The following CLSTN2 variants were observed in gnomAD, a reference collection of about 807,000 sequenced individuals.
CLSTN2 encodes calsyntenin 2.
A neutral mutation model predicts 101.2 loss-of-function variants in CLSTN2; 48 were observed. That is an observed-to-expected ratio of 0.47 (90% CI 0.38 to 0.60). The LOEUF is 0.60. Among genes scored for constraint, CLSTN2 ranks in the 20% least tolerant of loss-of-function variants. The pLI is 0.00. For synonymous variants in CLSTN2, 481 were observed against 463.6 expected, an observed-to-expected ratio of 1.04 and a Z score of -0.48; for missense variants, 1,160 against 1,238.2, an observed-to-expected ratio of 0.94 and a Z score of 0.95.
rs895956539 is a variant in CLSTN2, at chr3:140,566,555, T to C, written c.*302T>C. On this transcript the variant is annotated 3_prime_UTR_variant, in exon 17 of 17. Transcript: ENST00000458420. ...TGTCTGCAGAGTTTGCCTTTGTTTTTTCCTGCAGGGAAGAAGGCCCACCTT... is the reference window on the plus strand; with the variant it reads ...TGTCTGCAGAGTTTGCCTTTGTTTTCTCCTGCAGGGAAGAAGGCCCACCTT... 18 of 402,268 alleles carry C rather than the reference T, an allele frequency of 4.5e-5. No homozygotes were observed. The highest frequency in any genetic ancestry group is 7.8e-5 in the Non-Finnish European group (17 of 216,998). 24.9% of individuals were successfully genotyped at this position (402,268 alleles called of 1,614,324 possible). A position where few individuals can be genotyped will look rare whatever the true frequency, so the allele number is the denominator to read the frequency against.
At chr3:140,452,266 G>T (rs1262995275) in intron 6 of CLSTN2, among the ~76,000 whole-genome samples, 1 of 151,990 alleles carries the variant, frequency 6.6e-6, no homozygotes, top group African/African-American at 2.4e-5. Flanking sequence ...TCGCCCTGAT[G>T]TTCTGCTTCT....
intron 1 of CLSTN2, among the ~76,000 whole-genome samples, chr3:140,102,160 G>A (rs1005999357): frequency 2.6e-5 from 4 of 152,212 alleles, no homozygotes; most frequent in African/African-American, 9.7e-5. Flanking sequence ...GCTGTCTACA[G>A]TTGGGCCAAT....
At chr3:140,197,742 C>A (rs926300426) in intron 2 of CLSTN2, among the ~76,000 whole-genome samples, 3 of 152,134 alleles carry the variant, frequency 2.0e-5, no homozygotes, top group African/African-American at 7.2e-5. Flanking sequence ...TACAGGATAG[C>A]CCCACACCAA....
rs1052113160 is a variant in CLSTN2, at chr3:140,573,130, A to G, written c.*6877A>G. 2.0e-5 allele frequency: 3 copies of G among 152,176 alleles called. No homozygotes were observed. Among genetic ancestry groups the G allele is most frequent in the Admixed American group, 1.3e-4 (2 of 15,286 alleles). 9.4% of individuals were successfully genotyped at this position (152,176 alleles called of 1,614,324 possible). On this transcript the variant is annotated 3_prime_UTR_variant, in exon 17 of 17. Coordinates refer to ENST00000458420, the MANE Select transcript of CLSTN2 (RefSeq NM_022131.3). ...GCCATATTTTGTGGAGAAACACTGA[A>G]ACTGCAGCAGTGACCCTGGTCACTA...
At chr3:140,327,794 C>T (rs1050856403) in intron 2 of CLSTN2, among the ~76,000 whole-genome samples, 3 of 152,208 alleles carry the variant, frequency 2.0e-5, no homozygotes, top group Non-Finnish European at 4.4e-5. Context: ...TCTTGCCACT[C>T]ATCTTTAAAA....
intron 8 of CLSTN2, among the ~76,000 whole-genome samples, chr3:140,519,035 T>C (rs1433420490): frequency 6.6e-6 from 1 of 152,220 alleles, no homozygotes; most frequent in Non-Finnish European, 1.5e-5. Flanking sequence ...GTCTCTTTGT[T>C]CTCATTAGTT....
chr3:140,280,669 G>A (rs1308982806), intron 2 of CLSTN2, among the ~76,000 whole-genome samples: 1 of 152,208 alleles, frequency 6.6e-6, no homozygotes, highest in Non-Finnish European at 1.5e-5. Flanking sequence ...CTTACAGTGT[G>A]CCATGATGCA....
intron 2 of CLSTN2, among the ~76,000 whole-genome samples, chr3:140,311,508 C>A (rs2087168527): frequency 6.8e-6 from 1 of 147,546 alleles, no homozygotes; most frequent in African/African-American, 2.5e-5. Context: ...GATGGGGTTT[C>A]ACCATGTTGG....
intron 1 of CLSTN2, among the ~76,000 whole-genome samples, chr3:139,952,735 C>T (rs1305743311): frequency 2.0e-5 from 3 of 152,164 alleles, no homozygotes; most frequent in South Asian, 2.1e-4. Context: ...GTTCGTTTCC[C>T]ATTTCACCGT....
intron 2 of CLSTN2, among the ~76,000 whole-genome samples, chr3:140,328,561 C>A (rs4683819): frequency 0.012 from 1,838 of 152,274 alleles, 121 homozygotes; most frequent in Admixed American, 0.11. Flanking sequence ...AGAGCTGAGG[C>A]CTTCCCTCAC....
At chr3:140,495,527 A>C (rs112474853) in intron 8 of CLSTN2, among the ~76,000 whole-genome samples, 14,759 of 152,134 alleles carry the variant, frequency 0.097, 774 homozygotes, top group Middle Eastern at 0.16. Context: ...TTTGTCATGA[A>C]ATCTTTGCCC....
At chr3:140,177,208 A>G (rs2010338438) in intron 2 of CLSTN2, among the ~76,000 whole-genome samples, 1 of 152,190 alleles carries the variant, frequency 6.6e-6, no homozygotes, top group Non-Finnish European at 1.5e-5. Flanking sequence ...GACTTCCGTG[A>G]TGTTTAGAAT....
Position 140,220,999 on chromosome 3 carries a change from C to G in CLSTN2, c.232+44926C>G, listed in dbSNP as rs369398675. 2.0e-4 allele frequency among the ~76,000 whole-genome samples: 30 copies of G among 152,290 alleles called. 1 individual carries two copies. In the South Asian group the frequency reaches 5.4e-3, roughly 27 times the overall value. On this transcript the variant is annotated intron_variant, in intron 2 of 16. Transcript: ENST00000458420. ...ACCACCCACCATTGTCAGGCTCAGC[C>G]GACAGGCTGGAGACTCATAGACAAG...
chr3:140,562,036 GCCTTAA>G, intron 12 of CLSTN2, 96 bp from the exon 13 acceptor site: 4 of 1,036,132 alleles, frequency 3.9e-6, no homozygotes, highest in Non-Finnish European at 5.8e-6. Flanking sequence ...TCCTGACCCA[GCCTTAA>G]CCTGGGGTGC....
At chr3:140,216,196 A>G (rs2010918604) in intron 2 of CLSTN2, among the ~76,000 whole-genome samples, 1 of 152,188 alleles carries the variant, frequency 6.6e-6, no homozygotes, top group South Asian at 2.1e-4. Flanking sequence ...GAACTGTTTC[A>G]TCCCGAAACA....
chr3:140,247,556 A>G (rs958237719), intron 2 of CLSTN2, among the ~76,000 whole-genome samples: 1 of 152,216 alleles, frequency 6.6e-6, no homozygotes, highest in East Asian at 1.9e-4. Flanking sequence ...AGAGCAGGGA[A>G]CATCTGGATC....
At chr3:140,438,099 A>G (rs1159185128) in intron 5 of CLSTN2, among the ~76,000 whole-genome samples, 2 of 152,280 alleles carry the variant, frequency 1.3e-5, no homozygotes, top group Admixed American at 6.5e-5. Context: ...TTTTAATGCA[A>G]TGGCAATTAG....
rs563354950 is a variant in CLSTN2, at chr3:140,187,632, A to G, written c.232+11559A>G. 3.3e-5 allele frequency among the ~76,000 whole-genome samples: 5 copies of G among 152,294 alleles called. No individual in the cohort carries two copies. The East Asian group carries it at 9.7e-4, about 29-fold the overall frequency. ...GTAGTAGGTAAACTTCCACTCAAGT[A>G]TCTGCTGCTGATTCTGACCTCTGCC... is the stretch of plus-strand genomic sequence containing the variant. On this transcript the variant is annotated intron_variant, in intron 2 of 16. Coordinates refer to ENST00000458420, the MANE Select transcript of CLSTN2 (RefSeq NM_022131.3).
rs1283696226 is a variant in CLSTN2 at position 140,054,080 on chromosome 3, A to G, written c.109+118597A>G. Among the ~76,000 whole-genome samples, 9 of 152,136 alleles carry G rather than the reference A, an allele frequency of 5.9e-5. No individual in the cohort carries two copies. The South Asian group carries it at 6.2e-4, about 11-fold the overall frequency. ...ACTCTCACAGGGCAAGCAGTGAGTG[A>G]CCAAAGACAAGGGGCTGGTGGTGAC... is the stretch of plus-strand genomic sequence containing the variant. On this transcript the variant is annotated intron_variant, in intron 1 of 16. Transcript: ENST00000458420.
Sources: allele counts gnomAD v4.1 joint callset (sites outside exome capture counted in the v4.1 genomes callset), GRCh38; gene constraint gnomAD v4.1.1; transcripts MANE v1.5; gene names NCBI Gene and HGNC (gene_info 2026-07-23, HGNC 2026-07-21).